The following TAFA4 variants were observed in gnomAD, a reference collection of about 807,000 sequenced individuals.
The protein encoded by TAFA4 is chemokine-like protein TAFA-4.
A neutral mutation model predicts 21.1 loss-of-function variants in TAFA4; 20 were observed. That is an observed-to-expected ratio of 0.95 (90% CI 0.67 to 1.38). The LOEUF (loss-of-function observed/expected upper bound fraction) is 1.38, where lower values mean the gene tolerates loss of function less well. Ranked by LOEUF, TAFA4 falls within the 40% of genes most tolerant of loss-of-function variation. TAFA4 has a pLI of 0.00. For missense variants in TAFA4, 211 were observed against 180.9 expected (o/e 1.17, Z -0.95); for synonymous variants, 71 against 67.4 (o/e 1.05, Z -0.26).
At chr3:68,857,705 A>G (rs1323798863) in intron 3 of TAFA4, among the ~76,000 whole-genome samples, 4 of 152,146 alleles carry the variant, frequency 2.6e-5, no homozygotes, top group Non-Finnish European at 4.4e-5. Flanking sequence ...CATCACAAAC[A>G]TAATTTGTTC....
At chr3:68,930,096 C>T (rs961209424) in intron 1 of TAFA4, among the ~76,000 whole-genome samples, 5 of 152,140 alleles carry the variant, frequency 3.3e-5, no homozygotes, top group African/African-American at 1.2e-4. Flanking sequence ...CTAGGTACCA[C>T]TGAAAAGGAG....
At chr3:68,864,313 A>G (rs2089388946) in intron 3 of TAFA4, among the ~76,000 whole-genome samples, 1 of 152,204 alleles carries the variant, frequency 6.6e-6, no homozygotes, top group South Asian at 2.1e-4. Context: ...ACTTCACCAA[A>G]GAAGATAGAC....
intron 3 of TAFA4, among the ~76,000 whole-genome samples, chr3:68,796,089 G>A (rs888062030): frequency 6.6e-6 from 1 of 152,114 alleles, no homozygotes; most frequent in Non-Finnish European, 1.5e-5. Context: ...GCTGCTTGGA[G>A]CTAGGGGTGG....
At chr3:68,929,992 C>G (rs1030294880) in intron 1 of TAFA4, among the ~76,000 whole-genome samples, 2 of 152,124 alleles carry the variant, frequency 1.3e-5, no homozygotes, top group Non-Finnish European at 2.9e-5. Flanking sequence ...GTTTTAATAT[C>G]ACATGCATCA....
chr3:68,807,187 T>G (rs1703719638), intron 3 of TAFA4, among the ~76,000 whole-genome samples: 1 of 152,174 alleles, frequency 6.6e-6, no homozygotes, highest in South Asian at 2.1e-4. Flanking sequence ...GCCTGAAATT[T>G]CAAAAACAAA....
At chr3:68,761,860 G>C (rs977336045) in intron 3 of TAFA4, among the ~76,000 whole-genome samples, 1 of 152,090 alleles carries the variant, frequency 6.6e-6, no homozygotes, top group African/African-American at 2.4e-5. Flanking sequence ...GGAAGTAGAG[G>C]CTTCTAGATG....
chr3:68,891,192 A>G (rs1041123739), intron 1 of TAFA4, among the ~76,000 whole-genome samples: 2 of 152,236 alleles, frequency 1.3e-5, no homozygotes, highest in African/African-American at 2.4e-5. Flanking sequence ...GTTGATTTCT[A>G]TGAAGGAATT....
At chr3:68,850,983 G>T (rs903980470) in intron 3 of TAFA4, among the ~76,000 whole-genome samples, 2 of 152,110 alleles carry the variant, frequency 1.3e-5, no homozygotes, top group African/African-American at 4.8e-5. Flanking sequence ...ATGGTACTGT[G>T]TAGACTGGGT....
intron 3 of TAFA4, among the ~76,000 whole-genome samples, chr3:68,771,107 C>T (rs1391824229): frequency 6.6e-6 from 1 of 152,156 alleles, no homozygotes. Flanking sequence ...CTTCTCACTC[C>T]ATCCCCCTTC....
chr3:68,797,363 C>A (rs1703471948), intron 3 of TAFA4, among the ~76,000 whole-genome samples: 1 of 152,058 alleles, frequency 6.6e-6, no homozygotes, highest in South Asian at 2.1e-4. Flanking sequence ...CCTGTAATCC[C>A]AGCACTTTGG....
At chr3:68,815,750 G>C (rs1461452500) in intron 3 of TAFA4, among the ~76,000 whole-genome samples, 3 of 152,230 alleles carry the variant, frequency 2.0e-5, no homozygotes, top group Admixed American at 6.5e-5. Context: ...GTGGAAGTCA[G>C]TGTGGCGATT....
At chr3:68,843,778 G>C (rs1267728508) in intron 3 of TAFA4, among the ~76,000 whole-genome samples, 1 of 152,232 alleles carries the variant, frequency 6.6e-6, no homozygotes, top group Non-Finnish European at 1.5e-5. Context: ...AGATAATCAT[G>C]TGGTTTTTGT....
intron 3 of TAFA4, among the ~76,000 whole-genome samples, chr3:68,854,612 C>G (rs1002990837): frequency 2.0e-5 from 3 of 151,388 alleles, no homozygotes; most frequent in Non-Finnish European, 4.4e-5. Context: ...AAAGCCTTAC[C>G]AATTGGATGA....
At chr3:68,844,910 CA>C (rs1704749555) in intron 3 of TAFA4, among the ~76,000 whole-genome samples, 1 of 152,154 alleles carries the variant, frequency 6.6e-6, no homozygotes, top group South Asian at 2.1e-4. Context: ...CATTCTTTTG[CA>C]TTTACTGAGG....
chr3:68,818,055 C>T (rs4855521), intron 3 of TAFA4, among the ~76,000 whole-genome samples: 101,349 of 152,092 alleles, frequency 0.67, 34,244 homozygotes, highest in East Asian at 0.98. Flanking sequence ...GTCTGTTTTG[C>T]CTCCCTTGAA....
intron 3 of TAFA4, among the ~76,000 whole-genome samples, chr3:68,755,983 T>C (rs576849970): frequency 6.6e-6 from 1 of 152,254 alleles, no homozygotes; most frequent in Admixed American, 6.5e-5. Context: ...GGAGCTACAG[T>C]CTACTGCCAT....
At chr3:68,743,452 T>C (rs899246668) in intron 4 of TAFA4, among the ~76,000 whole-genome samples, 3 of 151,854 alleles carry the variant, frequency 2.0e-5, no homozygotes, top group African/African-American at 4.8e-5. Flanking sequence ...GGTGTGCACC[T>C]GTAGTTCCAG....
At chr3:68,763,024 C>A (rs988860114) in intron 3 of TAFA4, among the ~76,000 whole-genome samples, 1 of 152,182 alleles carries the variant, frequency 6.6e-6, no homozygotes, top group Non-Finnish European at 1.5e-5. Context: ...GGCAACAGAG[C>A]GAGACTCCTT....
intron 3 of TAFA4, among the ~76,000 whole-genome samples, chr3:68,855,805 T>C (rs1705056521): frequency 6.6e-6 from 1 of 151,942 alleles, no homozygotes; most frequent in African/African-American, 2.4e-5. Context: ...TCCAAAGTGG[T>C]CAAGTAACCC....
Sources: allele counts gnomAD v4.1 joint callset (sites outside exome capture counted in the v4.1 genomes callset), GRCh38; gene constraint gnomAD v4.1.1; transcripts MANE v1.5; gene names NCBI Gene and HGNC (gene_info 2026-07-23, HGNC 2026-07-21).